OPCML: variants seen among roughly 807,000 people sequenced by gnomAD.
The protein encoded by OPCML is opioid binding protein/cell adhesion molecule like.
Under a neutral mutation model 37.8 loss-of-function variants are expected in OPCML, and 13 were observed. That is an observed-to-expected ratio of 0.34 (90% confidence interval 0.22 to 0.55). The LOEUF is 0.55. Among genes scored for constraint, OPCML ranks in the 20% least tolerant of loss-of-function variants. The probability of loss-of-function intolerance (pLI) is 0.91; values close to 1 mark genes in which losing one functional copy is unlikely to be tolerated. For synonymous variants in OPCML, 176 were observed against 168.8 expected (o/e 1.04, Z -0.33); for missense variants, 341 against 435.6 (o/e 0.78, Z 1.93).
intron 1 of OPCML, among the ~76,000 whole-genome samples, chr11:133,238,952 T>C (rs761098304): frequency 6.6e-6 from 1 of 152,214 alleles, no homozygotes; most frequent in Non-Finnish European, 1.5e-5. Context: ...TTGTGCATCA[T>C]TGGAGTGCTG....
chr11:132,570,755 G>GTATATATATATATATA (rs71477765), intron 3 of OPCML, among the ~76,000 whole-genome samples: 10 of 30,112 alleles, frequency 3.3e-4, no homozygotes, highest in South Asian at 1.6e-3. Flanking sequence ...AGGAAAGAGA[G>GTATATATATATATATA]TATATATATA....
chr11:132,688,289 G>A (rs1943250248), intron 2 of OPCML, among the ~76,000 whole-genome samples: 1 of 152,084 alleles, frequency 6.6e-6, no homozygotes, highest in African/African-American at 2.4e-5. Context: ...GAATGGATGA[G>A]CATATTTTTC....
intron 1 of OPCML, chr11:133,421,339 A>G: frequency 5.1e-6 from 5 of 985,404 alleles, no homozygotes; most frequent in Non-Finnish European, 6.0e-6. Context: ...GCAGTACAGG[A>G]AATGATTACA....
At chr11:132,657,808 C>G (rs755849763) in intron 2 of OPCML, among the ~76,000 whole-genome samples, 30 of 152,178 alleles carry the variant, frequency 2.0e-4, no homozygotes, top group Admixed American at 3.3e-4. Flanking sequence ...CCTTATACCC[C>G]TAAGCAGCCG....
chr11:132,975,654 T>A (rs905661916), intron 1 of OPCML, among the ~76,000 whole-genome samples: 12 of 151,424 alleles, frequency 7.9e-5, no homozygotes, highest in African/African-American at 2.7e-4. Context: ...TTCTACTTTA[T>A]TCTTCCTACT....
intron 1 of OPCML, among the ~76,000 whole-genome samples, chr11:133,270,503 T>C (rs1413347502): frequency 6.6e-6 from 1 of 152,178 alleles, no homozygotes; most frequent in East Asian, 1.9e-4. Flanking sequence ...AGGAAAGAAA[T>C]ACTAAGTACC....
intron 1 of OPCML, among the ~76,000 whole-genome samples, chr11:133,092,028 T>C (rs923968895): frequency 6.6e-6 from 1 of 151,884 alleles, no homozygotes; most frequent in Non-Finnish European, 1.5e-5. Context: ...ATTTGAAAGG[T>C]GATTAGGTCA....
intron 1 of OPCML, among the ~76,000 whole-genome samples, chr11:133,088,053 A>T (rs2137046697): frequency 6.6e-6 from 1 of 152,346 alleles, no homozygotes; most frequent in Non-Finnish European, 1.5e-5. Context: ...ATAAAATACA[A>T]CTGCATAGAA....
At chr11:132,864,345 G>T (rs1942437076) in intron 2 of OPCML, among the ~76,000 whole-genome samples, 1 of 152,140 alleles carries the variant, frequency 6.6e-6, no homozygotes, top group South Asian at 2.1e-4. Flanking sequence ...CCTTCAGAAG[G>T]TGAAGGGAAA....
At chr11:132,525,594 A>G (rs534018550) in intron 4 of OPCML, among the ~76,000 whole-genome samples, 3 of 152,298 alleles carry the variant, frequency 2.0e-5, no homozygotes, top group African/African-American at 4.8e-5. Context: ...TTTTAGAACA[A>G]CTCCCTAATT....
chr11:132,904,315 T>C (rs956831969), intron 2 of OPCML, among the ~76,000 whole-genome samples: 3 of 152,230 alleles, frequency 2.0e-5, no homozygotes, highest in Admixed American at 1.3e-4. Context: ...CACTCATCCA[T>C]GCCCAACTTC....
chr11:133,110,601 G>A (rs1474073089), intron 1 of OPCML, among the ~76,000 whole-genome samples: 1 of 152,046 alleles, frequency 6.6e-6, no homozygotes, highest in African/African-American at 2.4e-5. Context: ...AGCTCAGGTG[G>A]GGATGTTTTA....
Position 133,388,692 on chromosome 11 carries a change from A to T in OPCML, c.61+143572T>A, listed in dbSNP as rs1394679263. Among the ~76,000 whole-genome samples, 3 of 152,328 alleles carry T rather than the reference A, an allele frequency of 2.0e-5. No homozygotes were observed. The East Asian group carries it at 5.8e-4, about 29-fold the overall frequency. On this transcript the variant is annotated intron_variant, in intron 1 of 7. Coordinates refer to ENST00000524381, the MANE Select transcript of OPCML (RefSeq NM_001012393.5). ...GCTCTGCTCTGCATGGGTTCATTTC[A>T]GTGAATTCCATTGCCCCAGAACATG...
chr11:132,797,149 T>C (rs1938373600), intron 2 of OPCML, among the ~76,000 whole-genome samples: 2 of 152,210 alleles, frequency 1.3e-5, no homozygotes, highest in African/African-American at 4.8e-5. Context: ...GTCACTTGTG[T>C]TTTCAATGTC....
At chr11:132,760,189 A>G (rs35333557) in intron 2 of OPCML, among the ~76,000 whole-genome samples, 23,471 of 152,088 alleles carry the variant, frequency 0.15, 2,473 homozygotes, top group African/African-American at 0.3. Context: ...CCATTCTTTC[A>G]CATTTGCTGA....
At chr11:133,058,622 G>C (rs2031075386) in intron 1 of OPCML, among the ~76,000 whole-genome samples, 1 of 152,168 alleles carries the variant, frequency 6.6e-6, no homozygotes, top group Admixed American at 6.5e-5. Context: ...GCTCTGGAGG[G>C]ACCAGGCATC....
intron 1 of OPCML, among the ~76,000 whole-genome samples, chr11:133,082,675 G>T: frequency 1.0e-5 from 1 of 98,424 alleles, no homozygotes; most frequent in Non-Finnish European, 2.1e-5. Context: ...GCACGGCACG[G>T]CCCTGTCAGC....
At chr11:132,649,198 C>G (rs1257978881) in intron 3 of OPCML, among the ~76,000 whole-genome samples, 1 of 151,992 alleles carries the variant, frequency 6.6e-6, no homozygotes, top group African/African-American at 2.4e-5. Context: ...AGTTGCAAAG[C>G]AAAGCAGAAC....
intron 1 of OPCML, among the ~76,000 whole-genome samples, chr11:133,307,575 C>T (rs1942956714): frequency 6.6e-6 from 1 of 152,144 alleles, no homozygotes; most frequent in African/African-American, 2.4e-5. Flanking sequence ...TGTTATCCTT[C>T]CTGACTCAGG....
Sources: gnomAD v4.1 joint callset for allele counts (sites outside exome capture counted in the v4.1 genomes callset) on GRCh38, gnomAD v4.1.1 for gene constraint, MANE v1.5 for transcripts, NCBI Gene and HGNC (gene_info 2026-07-23, HGNC 2026-07-21) for gene names.